Variants in CPB1 observed in about 807,000 individuals in gnomAD.
CPB1 encodes carboxypeptidase B1.
A neutral mutation model predicts 51.4 loss-of-function variants in CPB1; 53 were observed. That is an observed-to-expected ratio of 1.03 (90% CI 0.83 to 1.30). CPB1 has a LOEUF of 1.30. Ranked by LOEUF, CPB1 falls within the 50% of genes most tolerant of loss-of-function variation. The pLI is 0.00. For synonymous variants in CPB1, 189 were observed against 186.9 expected (o/e 1.01, Z -0.09); for missense variants, 494 against 516.2 (o/e 0.96, Z 0.42).
Position 148,828,096 on chromosome 3 carries a change from T to A in CPB1, c.147+19T>A. On this transcript the variant is annotated intron_variant, in intron 2 of 10. Transcript: ENST00000282957. Reference sequence around the variant, plus strand: ...GACCCAGGTAAGTAACAATTTTGATTTACTTCACATCTAATTTAAAATCTT... The same window carrying A: ...GACCCAGGTAAGTAACAATTTTGATATACTTCACATCTAATTTAAAATCTT... The A allele has an allele frequency of 6.3e-7, 1 of 1,588,644 alleles. No homozygotes were observed. The highest frequency in any genetic ancestry group is 1.1e-5 in the South Asian group (1 of 90,088).
chr3:148,840,553 C>A, intron 3 of CPB1, 133 bp from the exon 4 acceptor site: 1 of 730,928 alleles, frequency 1.4e-6, no homozygotes, highest in Non-Finnish European at 2.4e-6. Context: ...CAGGAAGAAC[C>A]AGAGGACAAC....
Position 148,845,592 on chromosome 3 carries a change from A to G in CPB1, c.947A>G (p.Tyr316Cys), listed in dbSNP as rs752190410. 1.9e-6 allele frequency: 3 copies of G among 1,613,916 alleles called. No homozygotes were observed. Among genetic ancestry groups the G allele is most frequent in the Admixed American group, 1.7e-5 (1 of 60,014 alleles). The stretch of plus-strand genomic sequence containing the variant: ...CAAATGATGATCTACCCTTACTCAT[A>G]TGCTTACAAACTCGGTGAGAACAAT... Reference protein sequence around the residue: ...YSQMMIYPYSYAYKLGENNAE... With the variant: ...YSQMMIYPYSCAYKLGENNAE... Residue 316 changes from tyrosine to cysteine, a missense_variant, in exon 9 of 11, where the codon TAT (tyrosine) becomes TGT (cysteine). Tyr to Cys is a radical substitution (Grantham distance 194, BLOSUM62 -2). Transcript: ENST00000282957.
intron 3 of CPB1, among the ~76,000 whole-genome samples, chr3:148,838,671 T>C (rs1431618299): frequency 1.3e-5 from 2 of 152,184 alleles, no homozygotes; most frequent in Non-Finnish European, 2.9e-5. Context: ...TTGGAAGACA[T>C]GTATGTAAAT....
At chr3:148,853,061 G>C (rs3772593) in intron 9 of CPB1, among the ~76,000 whole-genome samples, 3,138 of 152,164 alleles carry the variant, frequency 0.021, 97 homozygotes, top group East Asian at 0.16. Context: ...CATTATCGCA[G>C]GACAGAAGGA....
At chr3:148,829,736 T>C (rs1006404500) in intron 2 of CPB1, among the ~76,000 whole-genome samples, 9 of 152,196 alleles carry the variant, frequency 5.9e-5, no homozygotes, top group African/African-American at 2.2e-4. Flanking sequence ...AAACATTAAA[T>C]AGGTCAGGAG....
chr3:148,828,183 G>T, intron 2 of CPB1, 106 bp downstream of exon 2: 3 of 929,686 alleles, frequency 3.2e-6, no homozygotes, highest in Non-Finnish European at 4.9e-6. Context: ...TAGCATTTTG[G>T]TAGCAAGAAA....
In CPB1 at chr3:148,860,169, A is replaced by G. The variant is rs1713710989; in HGVS notation, c.*167A>G. The G allele has an allele frequency of 1.6e-6, 1 of 630,744 alleles. No homozygotes were observed. Among genetic ancestry groups the G allele is most frequent in the African/African-American group, 1.8e-5 (1 of 54,564 alleles). The allele number at this position is 630,744 out of a possible 1,614,324, so 39.1% of individuals were successfully genotyped here. A position where few individuals can be genotyped will look rare whatever the true frequency, so the allele number is the denominator to read the frequency against. ...TTTCGTATTGATCATAATAAAAGTGAATCATTACTATTGGAAAACTTGACA... is the reference window on the plus strand; with the variant it reads ...TTTCGTATTGATCATAATAAAAGTGGATCATTACTATTGGAAAACTTGACA... On this transcript the variant is annotated 3_prime_UTR_variant, in exon 11 of 11. Coordinates refer to ENST00000282957, the MANE Select transcript of CPB1 (RefSeq NM_001871.3).
At chr3:148,833,603 G>A (rs1576566734) in intron 2 of CPB1, among the ~76,000 whole-genome samples, 1 of 152,238 alleles carries the variant, frequency 6.6e-6, no homozygotes, top group East Asian at 1.9e-4. Context: ...AAGACCCAAT[G>A]TCAGGCTGAC....
In CPB1 at chr3:148,840,921, C is replaced by A; in HGVS notation, c.420C>A (p.Ile140=). 1 of 1,614,174 alleles carries A rather than the reference C, an allele frequency of 6.2e-7. No individual in the cohort carries two copies. Among genetic ancestry groups the A allele is most frequent in the South Asian group, 1.1e-5 (1 of 91,074 alleles). ...TCGCCACTGAGAATCCAGCCCTCATCTCTCGCAGTGTTATCGGAACCACAT... is the reference window on the plus strand; with the variant it reads ...TCGCCACTGAGAATCCAGCCCTCATATCTCGCAGTGTTATCGGAACCACAT... ...QQVATENPAL[I]SRSVIGTTFE... is the part of the protein sequence containing the mutation. Residue 140 remains isoleucine (I), a synonymous_variant, in exon 5 of 11, where the codon ATC becomes ATA. Coordinates refer to ENST00000282957, the MANE Select transcript of CPB1 (RefSeq NM_001871.3).
chr3:148,857,519 T>A lies in CPB1; in HGVS notation c.1044T>A (p.Tyr348Ter). Reference protein sequence around the residue: ...LASLHGTKYTYGPGATTIYPA... With the variant: ...LASLHGTKYT The stretch of plus-strand genomic sequence containing the variant: ...CACTGCACGGCACCAAGTACACATA[T>A]GGCCCGGGAGCTACAACAATCTGTG... Residue 348 changes from tyrosine to a stop codon, truncating the protein, a stop_gained, in exon 10 of 11, where the codon TAT becomes TAA. Transcript: ENST00000282957. LOFTEE classifies it high-confidence loss of function. 1 of 1,613,906 alleles carries A rather than the reference T, an allele frequency of 6.2e-7. No homozygotes were observed. Among genetic ancestry groups the A allele is most frequent in the Non-Finnish European group, 8.5e-7 (1 of 1,179,836 alleles).
rs1402211671 is a variant in CPB1, at chr3:148,834,482, C to A, written c.148-16C>A. On this transcript the variant is annotated splice_polypyrimidine_tract_variant and intron_variant, in intron 2 of 10. Coordinates refer to ENST00000282957, the MANE Select transcript of CPB1 (RefSeq NM_001871.3). The stretch of plus-strand genomic sequence containing the variant: ...ATTGAATTATAGGTATCCAATATAT[C>A]TTGTCCTTTATTCAGATTGACTTCT... 6.2e-7 allele frequency: 1 copy of A among 1,611,028 alleles called. No individual in the cohort carries two copies. Among genetic ancestry groups the A allele is most frequent in the African/African-American group, 1.3e-5 (1 of 74,978 alleles).
chr3:148,845,197 T>C (rs149062475), intron 8 of CPB1, among the ~76,000 whole-genome samples: 2 of 152,300 alleles, frequency 1.3e-5, no homozygotes, highest in East Asian at 1.9e-4. Flanking sequence ...CGGAGACACA[T>C]TGGTGATTCC....
rs866269848 is a variant in CPB1 at position 148,846,817 on chromosome 3, A to G, written c.981+1191A>G. Among the ~76,000 whole-genome samples the G allele has an allele frequency of 5.2e-3, 540 of 103,002 alleles. 24 individuals are homozygous for G. Among genetic ancestry groups the G allele is most frequent in the South Asian group, 8.5e-3 (28 of 3,290 alleles). 67.6% of individuals were successfully genotyped at this position (103,002 alleles called of 152,430 possible). ...CGTGTGTATATATATATATATATAT[A>G]TATATATATATATATATATATATAT... On this transcript the variant is annotated intron_variant, in intron 9 of 10. Transcript: ENST00000282957.
intron 6 of CPB1, among the ~76,000 whole-genome samples, chr3:148,843,642 T>C (rs1260523119): frequency 6.6e-6 from 1 of 152,104 alleles, no homozygotes; most frequent in African/African-American, 2.4e-5. Context: ...TTAATTTATA[T>C]ATATAATTAC....
chr3:148,835,413 G>A (rs1712875493), intron 3 of CPB1, among the ~76,000 whole-genome samples: 1 of 152,180 alleles, frequency 6.6e-6, no homozygotes, highest in Admixed American at 6.5e-5. Context: ...GAGTTCAGAA[G>A]AATAGAGCAA....
At chr3:148,842,777 T>C (rs1172930162) in intron 6 of CPB1, among the ~76,000 whole-genome samples, 1 of 152,118 alleles carries the variant, frequency 6.6e-6, no homozygotes, top group Non-Finnish European at 1.5e-5. Flanking sequence ...AAACTTAGAG[T>C]GGATAAACCT....
At chr3:148,853,443 C>G (rs900473151) in intron 9 of CPB1, among the ~76,000 whole-genome samples, 1 of 152,198 alleles carries the variant, frequency 6.6e-6, no homozygotes, top group Non-Finnish European at 1.5e-5. Flanking sequence ...CCTGGAGAAA[C>G]ATTACACTAA....
intron 10 of CPB1, 29 bp downstream of exon 10, chr3:148,857,570 G>C: frequency 6.4e-7 from 1 of 1,562,484 alleles, no homozygotes; most frequent in Non-Finnish European, 8.8e-7. Flanking sequence ...ACTGTGCAAA[G>C]AACCATGTGC....
intron 10 of CPB1, 48 bp from the exon 11 acceptor site, chr3:148,859,767 T>C (rs763871422): frequency 6.5e-7 from 1 of 1,529,196 alleles, no homozygotes; most frequent in Non-Finnish European, 8.8e-7. Context: ...TTTTTAAAGC[T>C]CCTTCCTAGA....
Sources: allele counts gnomAD v4.1 joint callset (sites outside exome capture counted in the v4.1 genomes callset), GRCh38; gene constraint gnomAD v4.1.1; transcripts MANE v1.5; gene names NCBI Gene and HGNC (gene_info 2026-07-23, HGNC 2026-07-21).